Variants in MTOR observed in about 807,000 individuals in gnomAD.
MTOR encodes serine/threonine-protein kinase mTOR.
MTOR carries 70 observed loss-of-function variants against 319.8 expected under a neutral mutation model. That is an observed-to-expected ratio of 0.22 (90% confidence interval 0.18 to 0.27). The LOEUF is 0.27. Among genes scored for constraint, MTOR ranks in the 10% least tolerant of loss-of-function variants. The pLI is 1.00. For missense variants in MTOR, 1,890 were observed against 3,274.4 expected (o/e 0.58, Z 10.32); for synonymous variants, 1,183 against 1,211.4 (o/e 0.98, Z 0.49).
chr1:11,250,057 A>G (rs76728929), intron 6 of MTOR, among the ~76,000 whole-genome samples: 2 of 113,568 alleles, frequency 1.8e-5, no homozygotes, highest in East Asian at 5.6e-4. Context: ...GCTGACCCCC[A>G]CACCTCCCTC....
chr1:11,216,335 G>A (rs1646469838), intron 19 of MTOR, 101 bp from the exon 20 acceptor site: 1 of 798,580 alleles, frequency 1.3e-6, no homozygotes. Flanking sequence ...CTATGGAATG[G>A]GTTTCCACAC....
intron 29 of MTOR, among the ~76,000 whole-genome samples, chr1:11,160,983 A>C (rs1644460130): frequency 6.6e-6 from 1 of 152,160 alleles, no homozygotes; most frequent in African/African-American, 2.4e-5. Context: ...AAGCAGGGTG[A>C]GGCATCACCT....
At chr1:11,255,792 A>T (rs1201194170) in intron 5 of MTOR, among the ~76,000 whole-genome samples, 200 bp downstream of exon 5, 3 of 149,518 alleles carry the variant, frequency 2.0e-5, no homozygotes, top group Non-Finnish European at 4.4e-5. Flanking sequence ...GGTTGCAGTG[A>T]GCCGAGATTG....
chr1:11,259,302 G>C lies in MTOR; in HGVS notation c.108C>G (p.Thr36=). ...GGAGCTCCTTGGCGGCTTTGGCCCT[G>C]GTTTCCTCATTCCGGCTCTTTAGGC... ...ASGLKSRNEE[T]RAKAAKELQH... Residue 36 remains threonine (T), a synonymous_variant, in exon 2 of 58, where the codon ACC becomes ACG. Coordinates refer to ENST00000361445, the MANE Select transcript of MTOR (RefSeq NM_004958.4). The C allele has an allele frequency of 2.5e-6, 4 of 1,613,914 alleles. No individual in the cohort carries two copies. Among genetic ancestry groups the C allele is most frequent in the South Asian group, 1.1e-5 (1 of 91,080 alleles).
chr1:11,116,800 TCC>T (rs1642190074), intron 50 of MTOR, among the ~76,000 whole-genome samples: 2 of 152,194 alleles, frequency 1.3e-5, no homozygotes, highest in Admixed American at 1.3e-4. Flanking sequence ...GAACTATTTT[TCC>T]TTTTCTTTAG....
intron 30 of MTOR, 76 bp from the exon 31 acceptor site, chr1:11,150,302 G>T: frequency 1.6e-6 from 2 of 1,284,544 alleles, no homozygotes; most frequent in Non-Finnish European, 2.2e-6. Flanking sequence ...TGCCCCTTGG[G>T]TTAGGTGAGG....
chr1:11,205,542 G>A (rs1382018372), intron 25 of MTOR, among the ~76,000 whole-genome samples: 1 of 152,132 alleles, frequency 6.6e-6, no homozygotes, highest in African/African-American at 2.4e-5. Context: ...AGTACTATTT[G>A]CCTAGTTCTC....
In MTOR at chr1:11,133,268, G is replaced by A; in HGVS notation, c.5247-71C>T. The A allele has an allele frequency of 7.7e-7, 1 of 1,294,404 alleles. No individual in the cohort carries two copies. Among genetic ancestry groups the A allele is most frequent in the Non-Finnish European group, 1.1e-6 (1 of 893,844 alleles). The allele number at this position is 1,294,404 out of a possible 1,614,324, so 80.2% of individuals were successfully genotyped here. A position where few individuals can be genotyped will look rare whatever the true frequency, so the allele number is the denominator to read the frequency against. ...AGCCCTCCTAAGAGGACCACAAATT[G>A]TTAGGGGACACTGAAGCCCTTCTGG... On this transcript the variant is annotated intron_variant, in intron 37 of 57. Coordinates refer to ENST00000361445, the MANE Select transcript of MTOR (RefSeq NM_004958.4). The surrounding 1 kb of genome is among the most constrained non-coding windows in gnomAD (Gnocchi z 4.0).
At chr1:11,118,745 T>A (rs1642334290) in intron 49 of MTOR, among the ~76,000 whole-genome samples, 1 of 150,814 alleles carries the variant, frequency 6.6e-6, no homozygotes, top group Admixed American at 6.6e-5. Flanking sequence ...TCCCGCCACA[T>A]CCTCCTAAGT....
chr1:11,157,428 T>A, intron 29 of MTOR, 137 bp from the exon 30 acceptor site: 1 of 1,086,688 alleles, frequency 9.2e-7, no homozygotes, highest in Non-Finnish European at 1.3e-6. Context: ...GGGCTTGGAT[T>A]AAAAACAACT....
chr1:11,217,394 CA>C (rs1646505160), intron 19 of MTOR, among the ~76,000 whole-genome samples: 1 of 150,792 alleles, frequency 6.6e-6, no homozygotes, highest in Non-Finnish European at 1.5e-5. Flanking sequence ...CCCCTTCCCC[CA>C]ATTTTTTTTT....
At position 11,133,583 on chromosome 1, in the gene MTOR, T is replaced by G. The variant is rs1643265140; in HGVS notation, c.5247-386A>C. 6.6e-6 allele frequency among the ~76,000 whole-genome samples: 1 copy of G among 152,238 alleles called. No homozygotes were observed. The highest frequency in any genetic ancestry group is 6.5e-5 in the Admixed American group (1 of 15,288). On this transcript the variant is annotated intron_variant, in intron 37 of 57. Coordinates refer to ENST00000361445, the MANE Select transcript of MTOR (RefSeq NM_004958.4). The surrounding 1 kb of genome is among the most constrained non-coding windows in gnomAD (Gnocchi z 4.0). ...TTGCCTCCATTCTTTGTAATGAGAT[T>G]AGCCCACATTTACTGACTGCTACTG...
rs774149875 is a variant in MTOR at position 11,193,623 on chromosome 1, T to A, written c.4253+5635A>T. ...ACTTCAGGCGGAGGCTGGACCATCATCCAGAGACGAAAAAGTGGCCTTGTC... is the reference window on the plus strand; with the variant it reads ...ACTTCAGGCGGAGGCTGGACCATCAACCAGAGACGAAAAAGTGGCCTTGTC... On this transcript the variant is annotated intron_variant, in intron 28 of 57. Coordinates refer to ENST00000361445, the MANE Select transcript of MTOR (RefSeq NM_004958.4). The A allele has an allele frequency of 1.1e-5, 18 of 1,611,916 alleles. No individual in the cohort carries two copies. Among genetic ancestry groups the A allele is most frequent in the Non-Finnish European group, 1.5e-5 (18 of 1,178,892 alleles).
rs2100430036 is a variant in MTOR at position 11,130,563 on chromosome 1, G to A, written c.5579C>T (p.Pro1860Leu). 1 of 1,613,506 alleles carries A rather than the reference G, an allele frequency of 6.2e-7. No homozygotes were observed. Among genetic ancestry groups the A allele is most frequent in the Non-Finnish European group, 8.5e-7 (1 of 1,179,986 alleles). ...CTTCTTCTGCAGCGGCGATGGGGTG[G>A]GGCTGTTCTCGGTGCTCTCGGCCTC... is the stretch of plus-strand genomic sequence containing the variant. ...ESEAESTENS[P>L]TPSPLQKKVT... The change falls in exon 39 of 58, where the codon CCC becomes CTC. Residue 1860 changes from proline (P) to leucine (L), a missense_variant. Transcript: ENST00000361445.
At chr1:11,116,705 C>T (rs1477653360) in intron 50 of MTOR, among the ~76,000 whole-genome samples, 4 of 152,108 alleles carry the variant, frequency 2.6e-5, no homozygotes, top group Non-Finnish European at 5.9e-5. Context: ...TGCTATTGCC[C>T]AAGTTGGTCT....
intron 23 of MTOR, among the ~76,000 whole-genome samples, chr1:11,211,363 C>T (rs1646305656): frequency 6.6e-6 from 1 of 152,150 alleles, no homozygotes; most frequent in African/African-American, 2.4e-5. Flanking sequence ...GCTAGAGGAT[C>T]TGATTCAGTA....
Position 11,250,307 on chromosome 1 carries a change from G to A in MTOR, c.841-2213C>T, listed in dbSNP as rs1274760401. Among the ~76,000 whole-genome samples the A allele has an allele frequency of 2.0e-5, 3 of 151,736 alleles. No individual in the cohort carries two copies. The East Asian group carries it at 5.8e-4, about 29-fold the overall frequency. On this transcript the variant is annotated intron_variant, in intron 6 of 57. Transcript: ENST00000361445. ...CACCTCCCTCCCAGATGGGGCGGCT[G>A]GCCGGGCAGAGGGGCTCCTCACTTC...
Position 11,121,784 on chromosome 1 carries a change from ATT to A in MTOR, c.6810+193_6810+194del, listed in dbSNP as rs202072272. Among the ~76,000 whole-genome samples, 1,807 of 152,306 alleles carry A rather than the reference ATT, an allele frequency of 0.012. 47 individuals are homozygous for A. The highest frequency in any genetic ancestry group is 0.041 in the African/African-American group (1,686 of 41,558). On this transcript the variant is annotated intron_variant, in intron 48 of 57. Coordinates refer to ENST00000361445, the MANE Select transcript of MTOR (RefSeq NM_004958.4). The surrounding 1 kb of genome is among the most constrained non-coding windows in gnomAD (Gnocchi z 4.9). The stretch of plus-strand genomic sequence containing the variant: ...AGTCTTCCCTAGGATGGTGAAAACA[ATT>A]TCTCAGCTTAAGGGTCCTTCAGTTT...
intron 50 of MTOR, among the ~76,000 whole-genome samples, chr1:11,116,565 C>T (rs1453123896): frequency 6.6e-6 from 1 of 152,202 alleles, no homozygotes; most frequent in Non-Finnish European, 1.5e-5. Context: ...CCACCTCAGC[C>T]TCCCAAAGTG....
Sources: allele counts gnomAD v4.1 joint callset (sites outside exome capture counted in the v4.1 genomes callset), GRCh38; gene constraint gnomAD v4.1.1; non-coding constraint Gnocchi (gnomAD v3.1); transcripts MANE v1.5; gene names NCBI Gene and HGNC (gene_info 2026-07-23, HGNC 2026-07-21).